ITSN1: variants seen among roughly 807,000 people sequenced by gnomAD.
ITSN1 encodes the protein intersectin 1.
ITSN1 carries 58 observed loss-of-function variants against 239.8 expected under a neutral mutation model. That is an observed-to-expected ratio of 0.24 (90% CI 0.20 to 0.30). The LOEUF (loss-of-function observed/expected upper bound fraction) is 0.30, where lower values mean the gene tolerates loss of function less well. Among genes scored for constraint, ITSN1 ranks in the 10% least tolerant of loss-of-function variants. The probability of loss-of-function intolerance (pLI) is 1.00; values close to 1 mark genes in which losing one functional copy is unlikely to be tolerated. For synonymous variants in ITSN1, 780 were observed against 770.8 expected, an observed-to-expected ratio of 1.01 and a Z score of -0.20; for missense variants, 1,558 against 2,103.3, an observed-to-expected ratio of 0.74 and a Z score of 5.07.
chr21:33,768,626 A>T (rs1345877566), intron 11 of ITSN1, among the ~76,000 whole-genome samples: 1 of 152,206 alleles, frequency 6.6e-6, no homozygotes, highest in Non-Finnish European at 1.5e-5. Flanking sequence ...AATCCATCAT[A>T]CTATTAAAAT....
At chr21:33,791,737 GCTAT>G (rs140931264) in intron 16 of ITSN1, among the ~76,000 whole-genome samples, 4,133 of 152,198 alleles carry the variant, frequency 0.027, 128 homozygotes, top group African/African-American at 0.079. Flanking sequence ...GTGCCTATGG[GCTAT>G]CTATTATAGT....
At chr21:33,886,136 C>G in intron 38 of ITSN1, 151 bp from the exon 39 acceptor site, 2 of 615,594 alleles carry the variant, frequency 3.2e-6, no homozygotes, top group Non-Finnish European at 5.6e-6. Flanking sequence ...CACTTGAGCT[C>G]AGGAGGTGGA....
intron 29 of ITSN1, among the ~76,000 whole-genome samples, chr21:33,849,013 G>T (rs1444209441): frequency 6.6e-6 from 1 of 152,210 alleles, no homozygotes; most frequent in African/African-American, 2.4e-5. Context: ...GGCCGAGGCG[G>T]GCGGATCACC....
chr21:33,883,514 A>T (rs971332239), intron 35 of ITSN1, 36 bp from the exon 36 acceptor site: 4 of 1,609,054 alleles, frequency 2.5e-6, no homozygotes, highest in Non-Finnish European at 3.4e-6. Flanking sequence ...ACAGACCCCC[A>T]GCCTCGCTTT....
chr21:33,838,390 A>G (rs758688638), intron 29 of ITSN1: 1 of 984,654 alleles, frequency 1.0e-6, no homozygotes, highest in Non-Finnish European at 1.2e-6. Context: ...ATTTTCACGG[A>G]TATGAATGTA....
At chr21:33,840,593 C>T (rs184038607) in intron 29 of ITSN1, among the ~76,000 whole-genome samples, 191 of 151,514 alleles carry the variant, frequency 1.3e-3, no homozygotes, top group African/African-American at 4.3e-3. Context: ...AACTCCTGAC[C>T]TCAAGTGATC....
Position 33,775,071 on chromosome 21 carries a change from G to A in ITSN1, c.1559G>A (p.Arg520Lys), listed in dbSNP as rs778828523. The A allele has an allele frequency of 6.2e-7, 1 of 1,614,020 alleles. No homozygotes were observed. Among genetic ancestry groups the A allele is most frequent in the South Asian group, 1.1e-5 (1 of 91,006 alleles). Residue 520 changes from arginine to lysine, a missense_variant, in exon 14 of 40, where the codon AGA becomes AAA. By Grantham distance (26) the Arg-to-Lys change is conservative. This residue lies in a region of ITSN1 where 982 missense variants were observed against 1,209.9 expected (regional missense o/e 0.81). Transcript: ENST00000381318. Reference protein sequence around the residue: ...IESTNKSRELRIAEITHLQQQ... With the variant: ...IESTNKSRELKIAEITHLQQQ... ...AGCACAAACAAATCTAGAGAGTTGA[G>A]AATTGCCGAAATCACCCATCTACAG...
At chr21:33,755,551 C>A (rs1042058539) in intron 8 of ITSN1, among the ~76,000 whole-genome samples, 154 bp downstream of exon 8, 1 of 152,184 alleles carries the variant, frequency 6.6e-6, no homozygotes, top group African/African-American at 2.4e-5. Flanking sequence ...CCACTGATAA[C>A]TCTTTACATA....
chr21:33,752,947 A>G (rs1007246777), intron 7 of ITSN1, among the ~76,000 whole-genome samples: 1 of 152,178 alleles, frequency 6.6e-6, no homozygotes, highest in Non-Finnish European at 1.5e-5. Context: ...TAATTCAGTG[A>G]TGCCTTCATT....
chr21:33,859,173 T>C (rs1055490990), intron 31 of ITSN1, among the ~76,000 whole-genome samples: 2 of 152,194 alleles, frequency 1.3e-5, no homozygotes, highest in Admixed American at 1.3e-4. Flanking sequence ...ATTGGTCTTT[T>C]GAGGCATTCT....
At chr21:33,817,730 C>T in intron 22 of ITSN1, 1 of 930,960 alleles carries the variant, frequency 1.1e-6, no homozygotes, top group Non-Finnish European at 1.4e-6. Context: ...ATGGTAATTA[C>T]AATGAATTTA....
rs1188308312 is a variant in ITSN1 at position 33,797,428 on chromosome 21, G to A, written c.2002G>A (p.Asp668Asn). 1 of 1,614,024 alleles carries A rather than the reference G, an allele frequency of 6.2e-7. No individual in the cohort carries two copies. Among genetic ancestry groups the A allele is most frequent in the Admixed American group, 1.7e-5 (1 of 60,010 alleles). ...GTGGCTGGAGCATGTGCAGCAGGAG[G>A]ACGAGCATCAGAGACCAAGAAAACT... is the stretch of plus-strand genomic sequence containing the variant. ...KQWLEHVQQE[D>N]EHQRPRKLHE... is the part of the protein sequence containing the mutation. Residue 668 changes from aspartate to asparagine, a missense_variant, in exon 18 of 40, where the codon GAC becomes AAC. This residue lies in a region of ITSN1 where 982 missense variants were observed against 1,209.9 expected (regional missense o/e 0.81). Coordinates refer to ENST00000381318, the MANE Select transcript of ITSN1 (RefSeq NM_003024.3). This position sits in a 1 kb window ranked among gnomAD's most constrained non-coding sequence, Gnocchi z 4.9.
At chr21:33,706,088 C>T (rs749868153) in intron 1 of ITSN1, among the ~76,000 whole-genome samples, 4 of 152,174 alleles carry the variant, frequency 2.6e-5, no homozygotes, top group Non-Finnish European at 4.4e-5. Flanking sequence ...GGTGTAATCT[C>T]AGCTCACTGC....
intron 16 of ITSN1, among the ~76,000 whole-genome samples, chr21:33,782,645 ACT>A (rs891772079): frequency 2.6e-5 from 4 of 152,012 alleles, no homozygotes; most frequent in African/African-American, 9.7e-5. Context: ...AAATGCCAAA[ACT>A]CTGAGGAAAT....
chr21:33,860,235 A>G (rs964992949), intron 31 of ITSN1, among the ~76,000 whole-genome samples: 6 of 149,918 alleles, frequency 4.0e-5, no homozygotes, highest in African/African-American at 1.2e-4. Flanking sequence ...TGAACCCGGG[A>G]GGCAGAGGTT....
intron 4 of ITSN1, among the ~76,000 whole-genome samples, chr21:33,723,569 A>G (rs1466041142): frequency 2.0e-5 from 3 of 152,074 alleles, no homozygotes; most frequent in Admixed American, 6.6e-5. Context: ...AGCCGAGATC[A>G]TGCCACTGCA....
intron 34 of ITSN1, among the ~76,000 whole-genome samples, chr21:33,880,324 C>T (rs1027098952): frequency 2.0e-5 from 3 of 152,158 alleles, no homozygotes; most frequent in Non-Finnish European, 4.4e-5. Context: ...AACGAGAGCA[C>T]CTTTATGTCA....
intron 1 of ITSN1, among the ~76,000 whole-genome samples, chr21:33,648,029 T>C (rs887495420): frequency 6.6e-6 from 1 of 152,232 alleles, no homozygotes; most frequent in African/African-American, 2.4e-5. Flanking sequence ...TTTAGAAAGA[T>C]TGTATCATTT....
chr21:33,872,425 G>A (rs1046199005), intron 33 of ITSN1, among the ~76,000 whole-genome samples: 2 of 152,226 alleles, frequency 1.3e-5, no homozygotes, highest in Admixed American at 6.5e-5. Context: ...ATGATAATAT[G>A]TATGAAATGG....
Sources: allele counts gnomAD v4.1 joint callset (sites outside exome capture counted in the v4.1 genomes callset), GRCh38; gene constraint gnomAD v4.1.1; regional missense constraint gnomAD v4.1.1; non-coding constraint Gnocchi (gnomAD v3.1); transcripts MANE v1.5; gene names NCBI Gene and HGNC (gene_info 2026-07-23, HGNC 2026-07-21).